CEP290: variants seen among roughly 807,000 people sequenced by gnomAD.
The protein encoded by CEP290 is centrosomal protein of 290 kDa.
CEP290 carries 317 observed loss-of-function variants against 344.9 expected under a neutral mutation model. That is an observed-to-expected ratio of 0.92 (90% CI 0.84 to 1.01). The LOEUF (loss-of-function observed/expected upper bound fraction) is 1.01. CEP290 is among the 50% of genes least tolerant of loss of function. The pLI is 0.00. For synonymous variants in CEP290, 932 were observed against 895.8 expected, an observed-to-expected ratio of 1.04 and a Z score of -0.72; for missense variants, 2,754 against 2,761.4, an observed-to-expected ratio of 1.00 and a Z score of 0.06.
Position 88,071,490 on chromosome 12 carries a change from T to A in CEP290, c.5856-41A>T, listed in dbSNP as rs771946510. ...TAGAATCATGAAATATACCATTCAG[T>A]GTTTGGCTTTTCAATTGCATACTCA... On this transcript the variant is annotated intron_variant, in intron 42 of 53. Coordinates refer to ENST00000552810, the MANE Select transcript of CEP290 (RefSeq NM_025114.4). 10 of 1,529,622 alleles carry A rather than the reference T, an allele frequency of 6.5e-6. No homozygotes were observed. The East Asian group carries it at 2.3e-4, about 35-fold the overall frequency. 94.8% of individuals were successfully genotyped at this position (1,529,622 alleles called of 1,614,324 possible). A position where few individuals can be genotyped will look rare whatever the true frequency, so the allele number is the denominator to read the frequency against.
chr12:88,067,214 T>TAA (rs35708594), intron 44 of CEP290, among the ~76,000 whole-genome samples: 3 of 143,056 alleles, frequency 2.1e-5, no homozygotes, highest in Admixed American at 7.0e-5. Flanking sequence ...ACACCAATTG[T>TAA]AAAAAAAAAA....
chr12:88,132,127 A>G (rs1379919354), intron 6 of CEP290, among the ~76,000 whole-genome samples: 1 of 152,224 alleles, frequency 6.6e-6, no homozygotes, highest in Non-Finnish European at 1.5e-5. Flanking sequence ...AAAGTAATAC[A>G]GCATTCTCTT....
At chr12:88,130,639 C>A in intron 7 of CEP290, 74 bp from the exon 8 acceptor site, 2 of 1,363,704 alleles carry the variant, frequency 1.5e-6, no homozygotes, top group Non-Finnish European at 1.9e-6. Flanking sequence ...TAATCAGAAA[C>A]TAAAGAAAAC....
rs1022458415 is a variant in CEP290 at position 88,049,182 on chromosome 12, C to G, written c.*2G>C. ...AAATGAAACAAAGTTTATAGGTGAC[C>G]TTTAGTAAATGGGGAAATTAACAGG... On this transcript the variant is annotated 3_prime_UTR_variant, in exon 54 of 54. Transcript: ENST00000552810. 6.4e-7 allele frequency: 1 copy of G among 1,559,932 alleles called. No individual in the cohort carries two copies. Among genetic ancestry groups the G allele is most frequent in the Non-Finnish European group, 8.7e-7 (1 of 1,147,208 alleles).
chr12:88,053,055 C>T (rs1280694155), intron 52 of CEP290, among the ~76,000 whole-genome samples: 1 of 152,078 alleles, frequency 6.6e-6, no homozygotes, highest in Non-Finnish European at 1.5e-5. Context: ...TACATACACA[C>T]TTTAGTGAGG....
At chr12:88,057,504 A>C (rs113936366) in intron 49 of CEP290, among the ~76,000 whole-genome samples, 2,489 of 152,284 alleles carry the variant, frequency 0.016, 70 homozygotes, top group African/African-American at 0.058. Context: ...GGGTCCAATA[A>C]GACAGTAGAA....
chr12:88,131,763 AAACT>A lies in CEP290; in HGVS notation c.442-549_442-546del, dbSNP rs550252512. Reference sequence around the variant, plus strand: ...AAAGAATTAAAAAGAACACACACACAAACTAACCAAAGAATACAGAAACAAATTA... The same window carrying A: ...AAAGAATTAAAAAGAACACACACACAAACCAAAGAATACAGAAACAAATTA... On this transcript the variant is annotated intron_variant, in intron 6 of 53. Transcript: ENST00000552810. Among the ~76,000 whole-genome samples the A allele has an allele frequency of 7.2e-5, 11 of 152,318 alleles. No homozygotes were observed. The South Asian group carries it at 2.3e-3, about 32-fold the overall frequency.
chr12:88,128,953 T>C lies in CEP290; in HGVS notation c.935A>G (p.Glu312Gly). 6.6e-7 allele frequency: 1 copy of C among 1,514,858 alleles called. No individual in the cohort carries two copies. Among genetic ancestry groups the C allele is most frequent in the Non-Finnish European group, 8.8e-7 (1 of 1,141,940 alleles). The allele number at this position is 1,514,858 out of a possible 1,614,324, so 93.8% of individuals were successfully genotyped here. ...IMVAVNAKVE[E>G]WKLILSSKDD... is the part of the protein sequence containing the mutation. ...TCAATTGAAAAAAAATACCTTCCAT[T>C]CTTCTACTTTTGCATTGACAGCTAC... The change falls in exon 11 of 54, where the codon GAA becomes GGA. Residue 312 changes from glutamate to glycine, a missense_variant. Physicochemically the swap from Glu to Gly is moderately conservative, Grantham distance 98. Coordinates refer to ENST00000552810, the MANE Select transcript of CEP290 (RefSeq NM_025114.4).
Position 88,083,838 on chromosome 12 carries a change from G to A in CEP290, c.4812+9C>T, listed in dbSNP as rs747569970. 1 of 1,506,574 alleles carries A rather than the reference G, an allele frequency of 6.6e-7. No individual in the cohort carries two copies. The highest frequency in any genetic ancestry group is 1.4e-5 in the African/African-American group (1 of 72,066). The allele number at this position is 1,506,574 out of a possible 1,614,324, so 93.3% of individuals were successfully genotyped here. Reference sequence around the variant, plus strand: ...AATAAAGAATGGAACAAAGTTCTTAGAATCTTACCCAAGCCGTTTGTTTGA... The same window carrying A: ...AATAAAGAATGGAACAAAGTTCTTAAAATCTTACCCAAGCCGTTTGTTTGA... On this transcript the variant is annotated intron_variant, in intron 36 of 53. Transcript: ENST00000552810.
At chr12:88,063,142 C>CAAAAAAAAAAAAAAGAAAAAA (rs2034612813) in intron 45 of CEP290, among the ~76,000 whole-genome samples, 1 of 129,784 alleles carries the variant, frequency 7.7e-6, no homozygotes. Flanking sequence ...GAAGCAGTAC[C>CAAAAAAAAAAAAAAGAAAAAA]AAAAAAAAAA....
chr12:88,091,734 C>A (rs965465800), intron 29 of CEP290, among the ~76,000 whole-genome samples: 3 of 151,952 alleles, frequency 2.0e-5, no homozygotes, highest in African/African-American at 7.3e-5. Context: ...CCCAAGAGAA[C>A]TATCAAGGCT....
Position 88,126,374 on chromosome 12 carries a change from T to C in CEP290, c.1007A>G (p.Glu336Gly), listed in dbSNP as rs749370083. 3.3e-6 allele frequency: 5 copies of C among 1,512,560 alleles called. No individual in the cohort carries two copies. Among genetic ancestry groups the C allele is most frequent in the Non-Finnish European group, 3.5e-6 (4 of 1,135,498 alleles). The allele number at this position is 1,512,560 out of a possible 1,614,324, so 93.7% of individuals were successfully genotyped here. A position where few individuals can be genotyped will look rare whatever the true frequency, so the allele number is the denominator to read the frequency against. Reference protein sequence around the residue: ...EYQQMLHNLREKLKNAQLDAD... With the variant: ...EYQQMLHNLRGKLKNAQLDAD... Reference sequence around the variant, plus strand: ...ATCAAGCTGAGCATTCTTAAGTTTCTCCCTTAGGTTATGTAACATTTGCTG... The same window carrying C: ...ATCAAGCTGAGCATTCTTAAGTTTCCCCCTTAGGTTATGTAACATTTGCTG... Residue 336 changes from glutamate (E) to glycine (G), a missense_variant, in exon 12 of 54, where the codon GAG (glutamate) becomes GGG (glycine). Coordinates refer to ENST00000552810, the MANE Select transcript of CEP290 (RefSeq NM_025114.4).
intron 23 of CEP290, among the ~76,000 whole-genome samples, chr12:88,108,528 A>T (rs2038450664): frequency 6.6e-6 from 1 of 152,162 alleles, no homozygotes. Context: ...TTGATTAGGT[A>T]TTCTAATTCC....
At chr12:88,102,092 A>G (rs1278326908) in intron 26 of CEP290, among the ~76,000 whole-genome samples, 1 of 152,194 alleles carries the variant, frequency 6.6e-6, no homozygotes, top group Non-Finnish European at 1.5e-5. Flanking sequence ...GAATAATCCA[A>G]AATCCATAAG....
At chr12:88,086,247 T>C in intron 33 of CEP290, 74 bp from the exon 34 acceptor site, 1 of 1,547,222 alleles carries the variant, frequency 6.5e-7, no homozygotes, top group Non-Finnish European at 8.8e-7. Context: ...TACAGCTGTA[T>C]GATAAAACAT....
intron 35 of CEP290, among the ~76,000 whole-genome samples, 173 bp from the exon 36 acceptor site, chr12:88,084,127 G>A (rs1281029208): frequency 6.6e-6 from 1 of 152,074 alleles, no homozygotes; most frequent in East Asian, 1.9e-4. Context: ...CTCAGACAAT[G>A]TTCAAGTTGA....
chr12:88,109,204 G>T, intron 22 of CEP290, 23 bp from the exon 23 acceptor site: 3 of 758,446 alleles, frequency 4.0e-6, no homozygotes, highest in Non-Finnish European at 6.2e-6. Context: ...TTAGAAATAA[G>T]AATGCAAAAA....
At chr12:88,123,884 A>G (rs572162532) in intron 13 of CEP290, among the ~76,000 whole-genome samples, 66 of 152,144 alleles carry the variant, frequency 4.3e-4, no homozygotes, top group African/African-American at 1.6e-3. Context: ...CAACCCCACC[A>G]TGACCAAAAC....
chr12:88,054,133 T>G (rs909154567), intron 51 of CEP290, among the ~76,000 whole-genome samples: 1 of 152,164 alleles, frequency 6.6e-6, no homozygotes, highest in African/African-American at 2.4e-5. Flanking sequence ...AACTGGAAAC[T>G]TAGAGTTGGG....
Sources: allele counts gnomAD v4.1 joint callset (sites outside exome capture counted in the v4.1 genomes callset), GRCh38; gene constraint gnomAD v4.1.1; transcripts MANE v1.5; gene names NCBI Gene and HGNC (gene_info 2026-07-23, HGNC 2026-07-21).